LDHB: variants seen among roughly 807,000 people sequenced by gnomAD.
The protein encoded by LDHB is L-lactate dehydrogenase B chain.
Under a neutral mutation model 33.4 loss-of-function variants are expected in LDHB, and 18 were observed. The observed-to-expected ratio is 0.54, with a 90% CI of 0.37 to 0.80. The LOEUF (loss-of-function observed/expected upper bound fraction) is 0.80. Ranked by LOEUF, LDHB falls within the 30% of genes least tolerant of loss-of-function variation. LDHB has a pLI of 0.00. For synonymous variants in LDHB, 121 were observed against 140.6 expected (o/e 0.86, Z 0.98); for missense variants, 345 against 407.9 (o/e 0.85, Z 1.33).
chr12:21,640,142 GATT>G (rs1477558237), intron 5 of LDHB, among the ~76,000 whole-genome samples: 1 of 51,330 alleles, frequency 1.9e-5, no homozygotes, highest in African/African-American at 5.0e-5. Flanking sequence ...TTCAATATTG[GATT>G]ATTTTATTAT....
At chr12:21,643,852 C>T in intron 4 of LDHB, 83 bp downstream of exon 4, 2 of 1,058,524 alleles carry the variant, frequency 1.9e-6, no homozygotes, top group Non-Finnish European at 3.0e-6. Flanking sequence ...AATACTGGGA[C>T]TGATTTTAGT....
At chr12:21,640,284 GA>G (rs1938337374) in intron 5 of LDHB, among the ~76,000 whole-genome samples, 1 of 151,094 alleles carries the variant, frequency 6.6e-6, no homozygotes, top group African/African-American at 2.4e-5. Flanking sequence ...ATTTAAATGA[GA>G]AAAATATTAA....
At chr12:21,650,334 C>T (rs1379857637) in intron 2 of LDHB, among the ~76,000 whole-genome samples, 1 of 152,022 alleles carries the variant, frequency 6.6e-6, no homozygotes, top group African/African-American at 2.4e-5. Flanking sequence ...GCTGAAATAC[C>T]AAAGGTGGCT....
intron 1 of LDHB, among the ~76,000 whole-genome samples, chr12:21,656,525 C>G (rs1282139481): frequency 6.6e-6 from 1 of 152,148 alleles, no homozygotes; most frequent in Non-Finnish European, 1.5e-5. Context: ...TTTTGGTATA[C>G]AGGGGGCCCA....
chr12:21,644,434 A>AAAAAAC (rs1565627622), intron 3 of LDHB, among the ~76,000 whole-genome samples: 7 of 104,546 alleles, frequency 6.7e-5, no homozygotes, highest in Admixed American at 1.1e-4. Flanking sequence ...CAAAAAAAAA[A>AAAAAAC]AAAAAAAAAA....
intron 2 of LDHB, among the ~76,000 whole-genome samples, chr12:21,648,384 T>G (rs564974028): frequency 6.6e-6 from 1 of 152,160 alleles, no homozygotes; most frequent in East Asian, 1.9e-4. Flanking sequence ...TCTCCATATA[T>G]GTGGGTTTCG....
chr12:21,638,559 A>T (rs1938280669), intron 5 of LDHB, 89 bp from the exon 6 acceptor site: 1 of 896,682 alleles, frequency 1.1e-6, no homozygotes, highest in South Asian at 1.4e-5. Flanking sequence ...TTCACCTATG[A>T]TGCAAATTAC....
At chr12:21,646,189 T>C (rs1677111) in intron 3 of LDHB, among the ~76,000 whole-genome samples, 143,890 of 152,238 alleles carry the variant, frequency 0.95, 68,500 homozygotes, top group East Asian at 1. Flanking sequence ...TGATGAGCCA[T>C]GAGGAAATGC....
At chr12:21,651,521 A>T (rs1938689518) in intron 2 of LDHB, among the ~76,000 whole-genome samples, 2 of 152,130 alleles carry the variant, frequency 1.3e-5, no homozygotes, top group South Asian at 4.1e-4. Flanking sequence ...GCTTTTATTT[A>T]ACTTCTGGGG....
rs937691519 is a variant in LDHB at position 21,653,321 on chromosome 12, A to C, written c.129+1222T>G. 2.6e-5 allele frequency among the ~76,000 whole-genome samples: 4 copies of C among 152,308 alleles called. No individual in the cohort carries two copies. In the East Asian group the frequency reaches 7.7e-4, roughly 29 times the overall value. On this transcript the variant is annotated intron_variant, in intron 2 of 7. Transcript: ENST00000350669. ...ATTCTTAGGAAACGTACTCTAAAAC[A>C]GGGGTCCCCAACACCCAGGTCACGA...
chr12:21,652,277 GA>G (rs1336959777), intron 2 of LDHB, among the ~76,000 whole-genome samples: 2 of 152,102 alleles, frequency 1.3e-5, no homozygotes, highest in Non-Finnish European at 2.9e-5. Flanking sequence ...AAAGAAAATT[GA>G]AAAGTCACTA....
intron 2 of LDHB, among the ~76,000 whole-genome samples, chr12:21,652,151 A>G (rs1301919887): frequency 6.6e-6 from 1 of 152,050 alleles, no homozygotes; most frequent in African/African-American, 2.4e-5. Flanking sequence ...TAGCTCAGAT[A>G]TAGTTTCCTG....
intron 3 of LDHB, 85 bp from the exon 4 acceptor site, chr12:21,644,193 C>A: frequency 1.0e-6 from 1 of 984,290 alleles, no homozygotes; most frequent in Non-Finnish European, 1.6e-6. Context: ...AAAAGCCTAA[C>A]CATACATAAG....
intron 4 of LDHB, 145 bp downstream of exon 4, chr12:21,643,790 C>T (rs1429995237): frequency 1.5e-6 from 1 of 667,452 alleles, no homozygotes; most frequent in East Asian, 2.7e-5. Context: ...GTTTTGCAAA[C>T]ACCACTATTT....
chr12:21,644,424 C>CAAAAAAAAAAAAACAAAAAAAAAAA (rs1591830643), intron 3 of LDHB, among the ~76,000 whole-genome samples: 1 of 15,272 alleles, frequency 6.5e-5, no homozygotes, highest in Non-Finnish European at 2.0e-4. Context: ...AGGTAGACAT[C>CAAAAAAAAAAAAACAAAAAAAAAAA]AAAAAAAAAA....
At chr12:21,642,841 A>G (rs757590610) in intron 4 of LDHB, among the ~76,000 whole-genome samples, 1 of 152,186 alleles carries the variant, frequency 6.6e-6, no homozygotes, top group Non-Finnish European at 1.5e-5. Flanking sequence ...AATGGCTAAG[A>G]TAATTCAAGG....
chr12:21,654,633 C>T lies in LDHB; in HGVS notation c.39G>A (p.Ala13=), dbSNP rs143907515. 30 of 1,613,792 alleles carry T rather than the reference C, an allele frequency of 1.9e-5. No individual in the cohort carries two copies. The highest frequency in any genetic ancestry group is 1.6e-4 in the Middle Eastern group (1 of 6,084). ...TGTTTGGAACTGTTGCCTCTTCTTC[C>T]GCAACTGGTGCAATGAGTTTTTCCT... ...TLKEKLIAPV[A]EEEATVPNNK... Residue 13 remains alanine (A), a synonymous_variant, in exon 2 of 8, where the codon GCG becomes GCA. Coordinates refer to ENST00000350669, the MANE Select transcript of LDHB (RefSeq NM_002300.8).
chr12:21,644,446 C>A (rs7486051), intron 3 of LDHB, among the ~76,000 whole-genome samples: 1,864 of 105,714 alleles, frequency 0.018, 39 homozygotes, highest in Middle Eastern at 0.027. Flanking sequence ...AAAAAAAAAA[C>A]AAAAACAAAA....
At chr12:21,646,624 G>A (rs1346970647) in intron 3 of LDHB, among the ~76,000 whole-genome samples, 2 of 152,134 alleles carry the variant, frequency 1.3e-5, no homozygotes, top group Non-Finnish European at 2.9e-5. Flanking sequence ...TAAAATATTT[G>A]AGAAATAAAA....
Sources: gnomAD v4.1 joint callset for allele counts (sites outside exome capture counted in the v4.1 genomes callset) on GRCh38, gnomAD v4.1.1 for gene constraint, MANE v1.5 for transcripts, NCBI Gene and HGNC (gene_info 2026-07-23, HGNC 2026-07-21) for gene names.